Variants in SUSD1 observed in about 807,000 individuals in gnomAD.
SUSD1 encodes sushi domain containing 1.
SUSD1 carries 65 observed loss-of-function variants against 86.9 expected under a neutral mutation model. The observed-to-expected ratio is 0.75, with a 90% confidence interval of 0.61 to 0.92. SUSD1 has a LOEUF of 0.92. SUSD1 is among the 40% of genes least tolerant of loss of function. The pLI, the probability that SUSD1 is intolerant of heterozygous loss-of-function variation, is 0.00. For missense variants in SUSD1, 850 were observed against 929.7 expected (o/e 0.91, Z 1.11); for synonymous variants, 346 against 350.0 (o/e 0.99, Z 0.13).
intron 10 of SUSD1, among the ~76,000 whole-genome samples, chr9:112,080,723 A>G (rs1184782580): frequency 2.6e-5 from 4 of 151,920 alleles, no homozygotes; most frequent in Non-Finnish European, 5.9e-5. Flanking sequence ...AAAGGAAAAA[A>G]ATTATTTGAG....
chr9:112,134,583 G>A (rs1832175100), intron 5 of SUSD1, among the ~76,000 whole-genome samples: 2 of 152,030 alleles, frequency 1.3e-5, no homozygotes, highest in African/African-American at 2.4e-5. Flanking sequence ...AGATGAGAAC[G>A]ACAGACATAG....
At chr9:112,144,771 T>C (rs1832736534) in intron 3 of SUSD1, among the ~76,000 whole-genome samples, 1 of 151,394 alleles carries the variant, frequency 6.6e-6, no homozygotes, top group Non-Finnish European at 1.5e-5. Flanking sequence ...TGAGACAGCC[T>C]TAAAACAGCC....
At chr9:112,156,492 G>C (rs71503511) in intron 2 of SUSD1, among the ~76,000 whole-genome samples, 23,678 of 151,396 alleles carry the variant, frequency 0.16, 2,330 homozygotes, top group East Asian at 0.3. Flanking sequence ...CTGAAGCTTC[G>C]AACTCCTGGG....
chr9:112,142,772 C>G (rs978931299), intron 4 of SUSD1, among the ~76,000 whole-genome samples: 6 of 151,912 alleles, frequency 3.9e-5, no homozygotes, highest in Non-Finnish European at 5.9e-5. Flanking sequence ...TAAAGAGAAG[C>G]CTTGTCCAGT....
At chr9:112,064,482 C>G (rs1828883308) in intron 12 of SUSD1, among the ~76,000 whole-genome samples, 1 of 152,216 alleles carries the variant, frequency 6.6e-6, no homozygotes, top group African/African-American at 2.4e-5. Flanking sequence ...TGAAACCAGT[C>G]CCTGGCACCA....
rs1468411095 is a variant in SUSD1 at position 112,078,642 on chromosome 9, G to A, written c.1649C>T (p.Pro550Leu). 29 of 1,613,982 alleles carry A rather than the reference G, an allele frequency of 1.8e-5. No individual in the cohort carries two copies. The East Asian group carries it at 6.5e-4, about 36-fold the overall frequency. The change falls in exon 12 of 17, where the codon CCC becomes CTC. Residue 550 changes from proline to leucine, a missense_variant. Physicochemically the swap from Pro to Leu is moderately conservative, Grantham distance 98. Coordinates refer to ENST00000374270, the MANE Select transcript of SUSD1 (RefSeq NM_022486.5). Reference protein sequence around the residue: ...TFNISSSSRDPEVCLDLRPGT... With the variant: ...TFNISSSSRDLEVCLDLRPGT... The stretch of plus-strand genomic sequence containing the variant: ...CGGACGTAGGTCCAAGCACACCTCG[G>A]GATCTCGGCTGCTGCTACTGATATT...
intron 10 of SUSD1, among the ~76,000 whole-genome samples, chr9:112,093,078 C>T (rs1353246879): frequency 6.6e-6 from 1 of 152,092 alleles, no homozygotes; most frequent in Non-Finnish European, 1.5e-5. Context: ...CTATAATGGA[C>T]CTTTCCTGTT....
chr9:112,066,946 G>T (rs1019054885), intron 12 of SUSD1, among the ~76,000 whole-genome samples: 1 of 152,122 alleles, frequency 6.6e-6, no homozygotes, highest in African/African-American at 2.4e-5. Context: ...CATGATCTTG[G>T]CTCACTGCAA....
chr9:112,102,305 G>C lies in SUSD1; in HGVS notation c.1172-20C>G. The C allele has an allele frequency of 7.2e-7, 1 of 1,397,732 alleles. No individual in the cohort carries two copies. The highest frequency in any genetic ancestry group is 9.9e-7 in the Non-Finnish European group (1 of 1,009,852). 86.6% of individuals were successfully genotyped at this position (1,397,732 alleles called of 1,614,324 possible). A position where few individuals can be genotyped will look rare whatever the true frequency, so the allele number is the denominator to read the frequency against. ...CAACTTCTAAAAGACAAGAGAGAGA[G>C]TTATAGACAGCTTGCACCATCTTAG... On this transcript the variant is annotated intron_variant, in intron 8 of 16. Transcript: ENST00000374270.
At chr9:112,107,254 C>CAAAAAAAAAAAAAAAAAAAAAAAAA (rs71382407) in intron 8 of SUSD1, among the ~76,000 whole-genome samples, 3 of 66,202 alleles carry the variant, frequency 4.5e-5, no homozygotes, top group Non-Finnish European at 8.0e-5. Context: ...GACCATATCT[C>CAAAAAAAAAAAAAAAAAAAAAAAAA]AAAAAAAAAA....
At chr9:112,138,213 G>A (rs1832350961) in intron 5 of SUSD1, among the ~76,000 whole-genome samples, 1 of 16,090 alleles carries the variant, frequency 6.2e-5, no homozygotes, top group Admixed American at 8.3e-4. Context: ...AACACAGTGA[G>A]ACTCCATCTC....
At chr9:112,071,960 A>C (rs1006401525) in intron 12 of SUSD1, among the ~76,000 whole-genome samples, 1 of 152,152 alleles carries the variant, frequency 6.6e-6, no homozygotes, top group African/African-American at 2.4e-5. Flanking sequence ...CTTCTCCATC[A>C]ATAAAGTTAT....
chr9:112,083,860 A>C (rs1829867325), intron 10 of SUSD1, among the ~76,000 whole-genome samples: 1 of 152,164 alleles, frequency 6.6e-6, no homozygotes, highest in African/African-American at 2.4e-5. Context: ...CTGATGCTGA[A>C]AGTTGATCTT....
chr9:112,101,185 C>T (rs1393688247), intron 9 of SUSD1, among the ~76,000 whole-genome samples: 3 of 151,536 alleles, frequency 2.0e-5, no homozygotes, highest in Non-Finnish European at 4.4e-5. Flanking sequence ...AATATGGTGA[C>T]ACGACATCTC....
At chr9:112,124,147 C>A (rs2131686795) in intron 6 of SUSD1, 110 bp downstream of exon 6, 1 of 1,071,014 alleles carries the variant, frequency 9.3e-7, no homozygotes, top group Non-Finnish European at 1.3e-6. Flanking sequence ...GGTAAATAGC[C>A]GAGCTGGGTA....
intron 5 of SUSD1, among the ~76,000 whole-genome samples, chr9:112,127,789 G>A (rs1831842860): frequency 6.6e-6 from 1 of 152,154 alleles, no homozygotes; most frequent in Non-Finnish European, 1.5e-5. Flanking sequence ...TAAGTGATAG[G>A]ATGGGGAAAA....
At chr9:112,145,607 T>C (rs762401807) in intron 3 of SUSD1, among the ~76,000 whole-genome samples, 12 of 152,218 alleles carry the variant, frequency 7.9e-5, no homozygotes, top group Non-Finnish European at 1.6e-4. Context: ...AATGACATTT[T>C]AGCCCCCAAA....
intron 8 of SUSD1, among the ~76,000 whole-genome samples, chr9:112,103,968 C>G (rs1830729267): frequency 6.6e-6 from 1 of 152,164 alleles, no homozygotes; most frequent in African/African-American, 2.4e-5. Context: ...ATCAGAATCA[C>G]CCAGACATCA....
chr9:112,069,007 T>C (rs1297179132), intron 12 of SUSD1, among the ~76,000 whole-genome samples: 2 of 151,902 alleles, frequency 1.3e-5, no homozygotes, highest in Non-Finnish European at 2.9e-5. Context: ...GTATAAGGAA[T>C]CCTCCAGCAG....
Sources: allele counts gnomAD v4.1 joint callset (sites outside exome capture counted in the v4.1 genomes callset), GRCh38; gene constraint gnomAD v4.1.1; transcripts MANE v1.5; gene names NCBI Gene and HGNC (gene_info 2026-07-23, HGNC 2026-07-21).